PARD3: variants seen among roughly 807,000 people sequenced by gnomAD.
PARD3 encodes par-3 family cell polarity regulator.
PARD3 carries 75 observed loss-of-function variants against 155.4 expected under a neutral mutation model. That is an observed-to-expected ratio of 0.48 (90% CI 0.40 to 0.58). The LOEUF is 0.58. Among genes scored for constraint, PARD3 ranks in the 20% least tolerant of loss-of-function variants. The probability of loss-of-function intolerance (pLI) is 0.00; values close to 1 mark genes in which losing one functional copy is unlikely to be tolerated. For synonymous variants in PARD3, 576 were observed against 610.5 expected, an observed-to-expected ratio of 0.94 and a Z score of 0.83; for missense variants, 1,642 against 1,721.7, an observed-to-expected ratio of 0.95 and a Z score of 0.82.
At chr10:34,580,938 G>T (rs929722133) in intron 2 of PARD3, among the ~76,000 whole-genome samples, 3 of 152,014 alleles carry the variant, frequency 2.0e-5, no homozygotes, top group African/African-American at 7.3e-5. Flanking sequence ...TGACTTACAT[G>T]GTCTAACACA....
At chr10:34,370,010 A>G (rs1840417833) in intron 12 of PARD3, among the ~76,000 whole-genome samples, 1 of 152,224 alleles carries the variant, frequency 6.6e-6, no homozygotes, top group Non-Finnish European at 1.5e-5. Flanking sequence ...GTAGAAAGGC[A>G]GAGACTGTGC....
chr10:34,269,540 A>T lies in PARD3; in HGVS notation c.3419+117T>A, dbSNP rs1028816976. ...ATACTTTTAGACACAACAGCTTTTT[A>T]AAGGCCATTAATAAAAGGCAATTCT... On this transcript the variant is annotated intron_variant, in intron 22 of 24. Coordinates refer to ENST00000374788, the MANE Select transcript of PARD3 (RefSeq NM_001184785.2). 5.4e-6 allele frequency: 6 copies of T among 1,110,472 alleles called. No homozygotes were observed. The South Asian group carries it at 9.3e-5, about 17-fold the overall frequency. 68.8% of individuals were successfully genotyped at this position (1,110,472 alleles called of 1,614,324 possible).
chr10:34,343,001 T>C (rs1293633027), intron 15 of PARD3, among the ~76,000 whole-genome samples: 1 of 152,216 alleles, frequency 6.6e-6, no homozygotes, highest in Non-Finnish European at 1.5e-5. Context: ...CCATTTCCCT[T>C]ACCTGAATTC....
intron 1 of PARD3, among the ~76,000 whole-genome samples, chr10:34,754,524 C>T (rs1836468619): frequency 6.6e-6 from 1 of 152,186 alleles, no homozygotes; most frequent in Admixed American, 6.5e-5. Flanking sequence ...CATGGCTACA[C>T]AGAAAATACT....
intron 14 of PARD3, among the ~76,000 whole-genome samples, chr10:34,353,298 AAGAG>A (rs780137468): frequency 6.6e-6 from 1 of 152,206 alleles, no homozygotes; most frequent in Non-Finnish European, 1.5e-5. Context: ...GGGGAAAAGA[AAGAG>A]AGATCAGATT....
intron 22 of PARD3, among the ~76,000 whole-genome samples, chr10:34,196,064 T>A (rs747693950): frequency 6.6e-6 from 1 of 152,218 alleles, no homozygotes; most frequent in African/African-American, 2.4e-5. Flanking sequence ...CACCCTTTCT[T>A]AGCCCAATTA....
intron 1 of PARD3, among the ~76,000 whole-genome samples, chr10:34,779,157 A>G (rs190346862): frequency 8.5e-5 from 13 of 152,234 alleles, no homozygotes; most frequent in Middle Eastern, 6.8e-3. Flanking sequence ...CTAAAAATAC[A>G]AAAATTAGCC....
intron 3 of PARD3, among the ~76,000 whole-genome samples, chr10:34,510,716 A>G (rs572276606): frequency 6.6e-6 from 1 of 152,174 alleles, no homozygotes; most frequent in East Asian, 1.9e-4. Flanking sequence ...TACCTTTATT[A>G]AGGATAATTT....
chr10:34,268,026 A>G (rs2786554), intron 22 of PARD3, among the ~76,000 whole-genome samples: 81,183 of 152,036 alleles, frequency 0.53, 22,147 homozygotes, highest in African/African-American at 0.64. Context: ...AGAGATGATG[A>G]GCTGAGTGTA....
At chr10:34,383,907 C>T (rs1186079633) in intron 8 of PARD3, among the ~76,000 whole-genome samples, 1 of 151,974 alleles carries the variant, frequency 6.6e-6, no homozygotes, top group East Asian at 1.9e-4. Context: ...GAAATGGGGG[C>T]CATAATACTT....
At chr10:34,673,930 A>G (rs1463511364) in intron 2 of PARD3, among the ~76,000 whole-genome samples, 3 of 150,584 alleles carry the variant, frequency 2.0e-5, no homozygotes, top group African/African-American at 7.3e-5. Flanking sequence ...GGCTGCAGTG[A>G]GCCAAGATCG....
chr10:34,386,837 T>G (rs1289183552), intron 7 of PARD3, among the ~76,000 whole-genome samples: 3 of 150,170 alleles, frequency 2.0e-5, no homozygotes, highest in African/African-American at 7.4e-5. Context: ...AAAAAAAGAA[T>G]TATTAAGATA....
At chr10:34,550,898 C>A (rs963381731) in intron 2 of PARD3, among the ~76,000 whole-genome samples, 2 of 152,048 alleles carry the variant, frequency 1.3e-5, no homozygotes, top group Non-Finnish European at 2.9e-5. Flanking sequence ...TCTAAAACAT[C>A]ACAGATACAG....
chr10:34,638,496 A>G (rs554292081), intron 2 of PARD3, among the ~76,000 whole-genome samples: 40 of 152,336 alleles, frequency 2.6e-4, no homozygotes, highest in Non-Finnish European at 4.6e-4. Flanking sequence ...CTATTATGAC[A>G]CCTATGATAA....
intron 2 of PARD3, among the ~76,000 whole-genome samples, chr10:34,691,839 A>G (rs1423518624): frequency 1.3e-5 from 2 of 152,216 alleles, no homozygotes; most frequent in Non-Finnish European, 2.9e-5. Flanking sequence ...AAAACAAGCA[A>G]CAGGGAAAGA....
At chr10:34,775,463 T>C (rs1839415152) in intron 1 of PARD3, among the ~76,000 whole-genome samples, 2 of 152,128 alleles carry the variant, frequency 1.3e-5, no homozygotes, top group Non-Finnish European at 2.9e-5. Context: ...TGAGCTGTGA[T>C]GCACAACTGC....
chr10:34,265,297 G>A (rs904522558), intron 22 of PARD3, among the ~76,000 whole-genome samples: 1 of 152,096 alleles, frequency 6.6e-6, no homozygotes, highest in Non-Finnish European at 1.5e-5. Flanking sequence ...TAAGTAATAC[G>A]TGGAAATTGA....
At chr10:34,479,788 C>A (rs1201084098) in intron 3 of PARD3, among the ~76,000 whole-genome samples, 1 of 152,088 alleles carries the variant, frequency 6.6e-6, no homozygotes, top group Non-Finnish European at 1.5e-5. Flanking sequence ...AATGACAGCA[C>A]CTCCTCCAAC....
At chr10:34,250,002 C>T (rs1954198175) in intron 22 of PARD3, among the ~76,000 whole-genome samples, 1 of 152,180 alleles carries the variant, frequency 6.6e-6, no homozygotes, top group South Asian at 2.1e-4. Flanking sequence ...TTTGTTCTTT[C>T]CAATTGATGG....
Sources: gnomAD v4.1 joint callset for allele counts (sites outside exome capture counted in the v4.1 genomes callset) on GRCh38, gnomAD v4.1.1 for gene constraint, MANE v1.5 for transcripts, NCBI Gene and HGNC (gene_info 2026-07-23, HGNC 2026-07-21) for gene names.